Variants in ST8SIA4 observed in about 807,000 individuals in gnomAD.
ST8SIA4 encodes the protein CMP-N-acetylneuraminate-poly-alpha-2,8-sialyltransferase.
A neutral mutation model predicts 33.9 loss-of-function variants in ST8SIA4; 15 were observed. The observed-to-expected ratio is 0.44, with a 90% CI of 0.30 to 0.68. The LOEUF (loss-of-function observed/expected upper bound fraction) is 0.68. Ranked by LOEUF, ST8SIA4 falls within the 30% of genes least tolerant of loss-of-function variation. ST8SIA4 has a pLI of 0.10. For missense variants in ST8SIA4, 321 were observed against 428.0 expected (o/e 0.75, Z 2.21); for synonymous variants, 171 against 151.2 (o/e 1.13, Z -0.96).
Position 100,813,595 on chromosome 5 carries a change from A to G in ST8SIA4, c.798-1466T>C, listed in dbSNP as rs150039531. Among the ~76,000 whole-genome samples the G allele has an allele frequency of 1.6e-3, 241 of 152,140 alleles. 1 individual carries two copies. Among genetic ancestry groups the G allele is most frequent in the Non-Finnish European group, 1.1e-3 (73 of 67,880 alleles). On this transcript the variant is annotated intron_variant, in intron 4 of 4. Transcript: ENST00000231461. ...ACCATAACTCATACACTATAAACAC[A>G]ATGAAGAAAACATAGACAGTGATTC... is the stretch of plus-strand genomic sequence containing the variant.
Position 100,895,710 on chromosome 5 carries a change from G to A in ST8SIA4, c.189C>T (p.Ile63=). 1 of 1,612,908 alleles carries A rather than the reference G, an allele frequency of 6.2e-7. No homozygotes were observed. Among genetic ancestry groups the A allele is most frequent in the Non-Finnish European group, 8.5e-7 (1 of 1,179,136 alleles). ...TCCAACCTTCTACATTGTGCTGGAAGATTGAAGAGCCAGCCTTTCGAATGA... is the reference window on the plus strand; with the variant it reads ...TCCAACCTTCTACATTGTGCTGGAAAATTGAAGAGCCAGCCTTTCGAATGA... ...DKIIRKAGSS[I]FQHNVEGWKI... The change falls in exon 2 of 5, where the codon ATC becomes ATT. Residue 63 remains isoleucine, a synonymous_variant. Coordinates refer to ENST00000231461, the MANE Select transcript of ST8SIA4 (RefSeq NM_005668.6).
chr5:100,830,577 T>A (rs9327319), intron 4 of ST8SIA4, among the ~76,000 whole-genome samples: 42,569 of 152,106 alleles, frequency 0.28, 6,213 homozygotes, highest in Non-Finnish European at 0.32. Context: ...CGAATTCAAG[T>A]TACCTCTATA....
intron 4 of ST8SIA4, among the ~76,000 whole-genome samples, chr5:100,839,290 T>C (rs1751426136): frequency 6.6e-6 from 1 of 152,020 alleles, no homozygotes; most frequent in Non-Finnish European, 1.5e-5. Flanking sequence ...ATGTACATAG[T>C]TTGAGCCTTA....
chr5:100,853,221 A>G (rs1561395014), intron 4 of ST8SIA4, among the ~76,000 whole-genome samples: 1 of 152,198 alleles, frequency 6.6e-6, no homozygotes, highest in Non-Finnish European at 1.5e-5. Context: ...ATTTTCATTT[A>G]CAGTTCCAGC....
At chr5:100,895,425 GAC>G (rs1268130193) in intron 2 of ST8SIA4, among the ~76,000 whole-genome samples, 3 of 152,002 alleles carry the variant, frequency 2.0e-5, no homozygotes, top group African/African-American at 7.2e-5. Flanking sequence ...TTAGTATAAA[GAC>G]AATATATTCA....
intron 3 of ST8SIA4, among the ~76,000 whole-genome samples, chr5:100,878,960 C>T (rs777551621): frequency 1.1e-4 from 16 of 152,104 alleles, no homozygotes; most frequent in Non-Finnish European, 1.5e-4. Flanking sequence ...ATGCAAACAA[C>T]AGATGCCAAA....
chr5:100,860,199 C>A (rs1445666942), intron 3 of ST8SIA4, among the ~76,000 whole-genome samples: 1 of 152,126 alleles, frequency 6.6e-6, no homozygotes. Context: ...ATTTTCCCCA[C>A]CTTTGTTAAT....
intron 4 of ST8SIA4, among the ~76,000 whole-genome samples, chr5:100,829,391 C>T (rs1157247847): frequency 6.6e-6 from 1 of 152,172 alleles, no homozygotes; most frequent in African/African-American, 2.4e-5. Context: ...TTTCCCTTCA[C>T]TCCTCCCAAC....
At position 100,886,409 on chromosome 5, in the gene ST8SIA4, C is replaced by T; in HGVS notation, c.437G>A (p.Gly146Glu). The part of the protein sequence containing the change: ...NRRFKTCAVV[G>E]NSGILLDSEC... ...ACTGTCTAACAGAATGCCAGAATTT[C>T]CAACAACTGCACAGGTCTTAAACCT... is the stretch of plus-strand genomic sequence containing the variant. Residue 146 changes from glycine (G) to glutamate (E), a missense_variant, in exon 3 of 5, where the codon GGA becomes GAA. Transcript: ENST00000231461. 1 of 1,613,940 alleles carries T rather than the reference C, an allele frequency of 6.2e-7. No individual in the cohort carries two copies. The highest frequency in any genetic ancestry group is 8.5e-7 in the Non-Finnish European group (1 of 1,179,824).
At chr5:100,902,698 C>A in intron 1 of ST8SIA4, 145 bp downstream of exon 1, 1 of 728,188 alleles carries the variant, frequency 1.4e-6, no homozygotes, top group Admixed American at 2.1e-5. Flanking sequence ...TCAACAACAG[C>A]CTTTGTTATT....
At chr5:100,881,923 G>A (rs1752434148) in intron 3 of ST8SIA4, among the ~76,000 whole-genome samples, 1 of 152,218 alleles carries the variant, frequency 6.6e-6, no homozygotes, top group Admixed American at 6.5e-5. Flanking sequence ...ATGTGGAATT[G>A]TAAGTCCAAT....
intron 3 of ST8SIA4, among the ~76,000 whole-genome samples, chr5:100,873,206 TAGG>T (rs1427421470): frequency 6.6e-6 from 1 of 151,930 alleles, no homozygotes; most frequent in Non-Finnish European, 1.5e-5. Flanking sequence ...AAGAGGAAAT[TAGG>T]AGGAAAGTAG....
At chr5:100,847,269 T>A (rs1487019977) in intron 4 of ST8SIA4, among the ~76,000 whole-genome samples, 1 of 152,044 alleles carries the variant, frequency 6.6e-6, no homozygotes, top group East Asian at 1.9e-4. Flanking sequence ...GTTGTTTTTT[T>A]AAAATTGCTT....
intron 4 of ST8SIA4, among the ~76,000 whole-genome samples, chr5:100,845,338 T>C (rs1751546254): frequency 6.6e-6 from 1 of 151,846 alleles, no homozygotes; most frequent in Non-Finnish European, 1.5e-5. Context: ...TGTCTAAAAA[T>C]TTATATTTGC....
chr5:100,887,380 A>G (rs928507890), intron 2 of ST8SIA4, among the ~76,000 whole-genome samples: 1 of 152,048 alleles, frequency 6.6e-6, no homozygotes, highest in African/African-American at 2.4e-5. Flanking sequence ...ACCCAAGTAG[A>G]GCTCAGTTGG....
intron 4 of ST8SIA4, among the ~76,000 whole-genome samples, chr5:100,821,240 G>GAA (rs1023547713): frequency 6.7e-6 from 1 of 150,126 alleles, no homozygotes; most frequent in Non-Finnish European, 1.5e-5. Context: ...GTCCTACAAA[G>GAA]AAAAAAAAAG....
At position 100,887,001 on chromosome 5, in the gene ST8SIA4, A is replaced by C. The variant is rs147100513; in HGVS notation, c.246-401T>G. ...ATAGTCATAAGTGTTGTTTAATATC[A>C]TCTAGTTAAGGTGGAGAGAAATAAT... is the stretch of plus-strand genomic sequence containing the variant. On this transcript the variant is annotated intron_variant, in intron 2 of 4. Coordinates refer to ENST00000231461, the MANE Select transcript of ST8SIA4 (RefSeq NM_005668.6). Among the ~76,000 whole-genome samples, 101 of 152,210 alleles carry C rather than the reference A, an allele frequency of 6.6e-4. No individual in the cohort carries two copies. The East Asian group carries it at 0.018, about 28-fold the overall frequency.
intron 3 of ST8SIA4, among the ~76,000 whole-genome samples, chr5:100,880,173 T>C (rs1021013288): frequency 2.6e-5 from 4 of 152,122 alleles, no homozygotes; most frequent in Non-Finnish European, 5.9e-5. Context: ...CAAATATTTA[T>C]AGAATATATA....
At chr5:100,832,146 T>G (rs2548277) in intron 4 of ST8SIA4, among the ~76,000 whole-genome samples, 1 of 152,076 alleles carries the variant, frequency 6.6e-6, no homozygotes, top group Non-Finnish European at 1.5e-5. Flanking sequence ...CTCATTGACA[T>G]TTAAAGCAGA....
Sources: allele counts gnomAD v4.1 joint callset (sites outside exome capture counted in the v4.1 genomes callset), GRCh38; gene constraint gnomAD v4.1.1; transcripts MANE v1.5; gene names NCBI Gene and HGNC (gene_info 2026-07-23, HGNC 2026-07-21).